The following TASP1 variants were observed in gnomAD, a reference collection of about 807,000 sequenced individuals.
TASP1 encodes taspase 1, also known as threonine aspartase 1.
A neutral mutation model predicts 56.6 loss-of-function variants in TASP1; 16 were observed. That is an observed-to-expected ratio of 0.28 (90% CI 0.19 to 0.43). TASP1 has a LOEUF of 0.43. Ranked by LOEUF, TASP1 falls within the 20% of genes least tolerant of loss-of-function variation. TASP1 has a pLI of 1.00. For missense variants in TASP1, 393 were observed against 511.6 expected, an observed-to-expected ratio of 0.77 and a Z score of 2.24; for synonymous variants, 179 against 184.2, an observed-to-expected ratio of 0.97 and a Z score of 0.23.
the TASP1 span, among the ~76,000 whole-genome samples, chr20:13,133,978 A>C: frequency 9.7e-4 from 147 of 152,300 alleles, no homozygotes; most frequent in African/African-American, 3.3e-3. Flanking sequence ...GGGTACTCAG[A>C]TGTTCCTCAT....
At chr20:13,309,300 C>A in the TASP1 span, among the ~76,000 whole-genome samples, 1 of 151,132 alleles carries the variant, frequency 6.6e-6, no homozygotes, top group African/African-American at 2.4e-5. Flanking sequence ...AAAAAAAAGC[C>A]TAACAGAATA....
chr20:13,449,439 T>G (rs910140799), intron 11 of TASP1, among the ~76,000 whole-genome samples: 15 of 152,292 alleles, frequency 9.8e-5, no homozygotes, highest in African/African-American at 3.6e-4. Context: ...TCCCACTTAC[T>G]GTGCAGAAGC....
chr20:13,521,384 A>T lies in TASP1; in HGVS notation c.874+7049T>A, dbSNP rs1471768311. On this transcript the variant is annotated intron_variant, in intron 10 of 13. Transcript: ENST00000337743. The stretch of plus-strand genomic sequence containing the variant: ...GACTTGGAACCAACCCAAATGTCCA[A>T]CAATGATAGACTGGATTAAGAAAAT... Among the ~76,000 whole-genome samples, 3 of 152,278 alleles carry T rather than the reference A, an allele frequency of 2.0e-5. No individual in the cohort carries two copies. In the East Asian group the frequency reaches 5.8e-4, roughly 29 times the overall value.
intron 1 of TASP1, among the ~76,000 whole-genome samples, chr20:13,630,902 G>C (rs1568672189): frequency 6.6e-6 from 1 of 151,970 alleles, no homozygotes; most frequent in Non-Finnish European, 1.5e-5. Context: ...AATATGTGTA[G>C]TTTTCACAAT....
intron 12 of TASP1, among the ~76,000 whole-genome samples, chr20:13,421,619 C>T (rs180969112): frequency 7.2e-5 from 11 of 152,006 alleles, no homozygotes; most frequent in South Asian, 2.1e-4. Flanking sequence ...CTAAAATAAA[C>T]GCAAATTAAA....
chr20:13,335,508 GT>G, the TASP1 span, among the ~76,000 whole-genome samples: 1 of 152,026 alleles, frequency 6.6e-6, no homozygotes, highest in Admixed American at 6.6e-5. Flanking sequence ...CAATCATAGT[GT>G]CTTACTCTTG....
the TASP1 span, among the ~76,000 whole-genome samples, chr20:13,350,930 G>A: frequency 2.0e-5 from 3 of 150,892 alleles, no homozygotes; most frequent in Admixed American, 1.3e-4. Flanking sequence ...TGAGCTCCTG[G>A]GCTCAAGTAA....
chr20:13,369,856 G>T, the TASP1 span, among the ~76,000 whole-genome samples: 4 of 152,194 alleles, frequency 2.6e-5, no homozygotes, highest in Non-Finnish European at 1.5e-5. Context: ...CTGGAAAGAT[G>T]AAATGCAGGT....
chr20:13,441,691 G>A (rs1299332627), intron 11 of TASP1, among the ~76,000 whole-genome samples: 3 of 152,326 alleles, frequency 2.0e-5, no homozygotes, highest in African/African-American at 7.2e-5. Context: ...GCAGAATGTA[G>A]TGGCAAGGCA....
intron 6 of TASP1, among the ~76,000 whole-genome samples, chr20:13,575,245 T>C (rs1202773977): frequency 6.6e-6 from 1 of 152,216 alleles, no homozygotes; most frequent in Non-Finnish European, 1.5e-5. Context: ...GCAAAGCATT[T>C]GACAAAGTAC....
At chr20:13,288,697 A>G in the TASP1 span, 1 of 1,608,188 alleles carries the variant, frequency 6.2e-7, no homozygotes, top group Non-Finnish European at 8.5e-7. Flanking sequence ...CGTTTACCTG[A>G]GTGTGTAGCT....
chr20:13,362,686 A>C, the TASP1 span, among the ~76,000 whole-genome samples: 16 of 151,962 alleles, frequency 1.1e-4, no homozygotes, highest in African/African-American at 3.9e-4. Flanking sequence ...ATGGACGCGC[A>C]TGAAAGAATA....
At chr20:13,508,584 T>C (rs1178140598) in intron 10 of TASP1, among the ~76,000 whole-genome samples, 2 of 152,134 alleles carry the variant, frequency 1.3e-5, no homozygotes, top group African/African-American at 4.8e-5. Flanking sequence ...ACTCAATCTG[T>C]AGCCAATAAG....
At chr20:13,124,568 C>G in the TASP1 span, among the ~76,000 whole-genome samples, 5 of 151,766 alleles carry the variant, frequency 3.3e-5, no homozygotes, top group East Asian at 5.8e-4. Flanking sequence ...AGAAGAAGGA[C>G]GGGTGAAAGG....
intron 7 of TASP1, among the ~76,000 whole-genome samples, 200 bp downstream of exon 7, chr20:13,569,307 T>G (rs1054024985): frequency 3.9e-5 from 6 of 152,036 alleles, no homozygotes; most frequent in African/African-American, 1.4e-4. Flanking sequence ...TATAAAAGCA[T>G]AAGGAAGCAG....
At chr20:13,260,824 G>T in the TASP1 span, among the ~76,000 whole-genome samples, 1 of 152,120 alleles carries the variant, frequency 6.6e-6, no homozygotes, top group South Asian at 2.1e-4. Context: ...AAACCCGCAA[G>T]GATTTATTAT....
At chr20:13,343,058 G>A in the TASP1 span, among the ~76,000 whole-genome samples, 3 of 152,188 alleles carry the variant, frequency 2.0e-5, no homozygotes, top group Non-Finnish European at 2.9e-5. Context: ...GCTCAGAGGC[G>A]GAAGGCTCCG....
At chr20:13,253,793 TG>T in the TASP1 span, among the ~76,000 whole-genome samples, 2 of 152,008 alleles carry the variant, frequency 1.3e-5, no homozygotes, top group Non-Finnish European at 2.9e-5. Flanking sequence ...TAGGAAACAA[TG>T]GGCTAGTTCA....
chr20:13,289,181 C>T, the TASP1 span, among the ~76,000 whole-genome samples: 3 of 152,160 alleles, frequency 2.0e-5, no homozygotes, highest in African/African-American at 7.2e-5. Context: ...TGGCCGTGAC[C>T]TAAAAGACAA....
Sources: gnomAD v4.1 joint callset for allele counts (sites outside exome capture counted in the v4.1 genomes callset) on GRCh38, gnomAD v4.1.1 for gene constraint, MANE v1.5 for transcripts, NCBI Gene and HGNC (gene_info 2026-07-23, HGNC 2026-07-21) for gene names.